The following CCSER1 variants were observed in gnomAD, a reference collection of about 807,000 sequenced individuals.
CCSER1 encodes the protein coiled-coil serine rich protein 1, also known as serine-rich coiled-coil domain-containing protein 1.
A neutral mutation model predicts 82.0 loss-of-function variants in CCSER1; 41 were observed. The ratio of observed to expected loss-of-function variants is 0.50; its 90% CI spans 0.39 to 0.65. The LOEUF (loss-of-function observed/expected upper bound fraction) is 0.65, where lower values mean the gene tolerates loss of function less well. Ranked by LOEUF, CCSER1 falls within the 30% of genes least tolerant of loss-of-function variation. CCSER1 has a pLI of 0.00. For missense variants in CCSER1, 1,119 were observed against 1,064.2 expected, an observed-to-expected ratio of 1.05 and a Z score of -0.72; for synonymous variants, 414 against 383.9, an observed-to-expected ratio of 1.08 and a Z score of -0.92.
intron 3 of CCSER1, among the ~76,000 whole-genome samples, chr4:90,381,688 A>G (rs1051457843): frequency 1.3e-5 from 2 of 152,128 alleles, no homozygotes; most frequent in African/African-American, 2.4e-5. Context: ...AGTAATGTTC[A>G]TAGAAATAAA....
At chr4:90,427,370 C>T (rs1757668200) in intron 4 of CCSER1, among the ~76,000 whole-genome samples, 1 of 151,518 alleles carries the variant, frequency 6.6e-6, no homozygotes, top group African/African-American at 2.4e-5. Flanking sequence ...TCACTAAGTA[C>T]CATCTAACTG....
At chr4:90,999,685 G>C (rs1284557968) in intron 9 of CCSER1, among the ~76,000 whole-genome samples, 2 of 152,086 alleles carry the variant, frequency 1.3e-5, no homozygotes. Flanking sequence ...TAGGTTGTCT[G>C]CTTCTTCTGT....
chr4:90,152,127 G>A (rs1301703275), intron 1 of CCSER1, among the ~76,000 whole-genome samples: 1 of 152,156 alleles, frequency 6.6e-6, no homozygotes. Context: ...CTTAGCTTGT[G>A]TCACTAAAAG....
intron 8 of CCSER1, among the ~76,000 whole-genome samples, chr4:90,845,488 T>C (rs1165976249): frequency 6.6e-6 from 1 of 151,758 alleles, no homozygotes; most frequent in African/African-American, 2.4e-5. Flanking sequence ...AAATTGACAA[T>C]CATTTTTTTC....
intron 9 of CCSER1, among the ~76,000 whole-genome samples, chr4:91,023,759 A>G (rs1163522175): frequency 6.6e-6 from 1 of 152,218 alleles, no homozygotes; most frequent in Non-Finnish European, 1.5e-5. Flanking sequence ...CAAGGACTTC[A>G]TGTCTGAAAC....
rs189402830 is a variant in CCSER1 at position 90,579,015 on chromosome 4, T to C, written c.1725-49010T>C. Reference sequence around the variant, plus strand: ...AAGTATATAAATATTATGTTGTCTATTAAAAAAAGCTTGACTTTTTTTAAT... The same window carrying C: ...AAGTATATAAATATTATGTTGTCTACTAAAAAAAGCTTGACTTTTTTTAAT... On this transcript the variant is annotated intron_variant, in intron 5 of 10. Coordinates refer to ENST00000509176, the MANE Select transcript of CCSER1 (RefSeq NM_001145065.2). Among the ~76,000 whole-genome samples the C allele has an allele frequency of 7.6e-3, 412 of 54,126 alleles. 2 individuals carry two copies. Among genetic ancestry groups the C allele is most frequent in the African/African-American group, 0.015 (40 of 2,726 alleles). The allele number at this position is 54,126 out of a possible 152,430, so 35.5% of individuals were successfully genotyped here. A position where few individuals can be genotyped will look rare whatever the true frequency, so the allele number is the denominator to read the frequency against.
In CCSER1 at chr4:90,362,850, T is replaced by C. The variant is rs1745603940; in HGVS notation, c.1510-37186T>C. On this transcript the variant is annotated intron_variant, in intron 3 of 10. Coordinates refer to ENST00000509176, the MANE Select transcript of CCSER1 (RefSeq NM_001145065.2). ...TCCTCCTTTGCAGTTAACAGTATAA[T>C]ATCAATAGTTTCATACAAGGGATGC... 1.3e-5 allele frequency among the ~76,000 whole-genome samples: 2 copies of C among 152,200 alleles called. 1 individual carries two copies. The highest frequency in any genetic ancestry group is 4.2e-4 in the South Asian group (2 of 4,818).
At chr4:91,053,169 T>G (rs1743153658) in intron 9 of CCSER1, among the ~76,000 whole-genome samples, 1 of 152,202 alleles carries the variant, frequency 6.6e-6, no homozygotes, top group African/African-American at 2.4e-5. Context: ...TAAAAGTTTT[T>G]CCTAATTGTA....
intron 7 of CCSER1, among the ~76,000 whole-genome samples, chr4:90,748,455 G>A (rs1747935654): frequency 6.7e-6 from 1 of 149,532 alleles, no homozygotes; most frequent in African/African-American, 2.4e-5. Flanking sequence ...ATTTGGGTTG[G>A]TTCCAAGTCT....
intron 10 of CCSER1, among the ~76,000 whole-genome samples, chr4:91,277,070 G>A (rs1742524295): frequency 6.6e-6 from 1 of 151,990 alleles, no homozygotes; most frequent in Non-Finnish European, 1.5e-5. Context: ...TTTTGTTGAG[G>A]ATTTTTGCAT....
At position 91,367,130 on chromosome 4, in the gene CCSER1, C is replaced by CAA. The variant is rs70965488; in HGVS notation, c.2218-231423_2218-231422dup. The stretch of plus-strand genomic sequence containing the variant: ...GCAACATGGTGAAACACCATCTCTC[C>CAA]AAAAAAAAAAAAAAAAAAAAGAGAA... On this transcript the variant is annotated intron_variant, in intron 10 of 10. Transcript: ENST00000509176. Among the ~76,000 whole-genome samples the CAA allele has an allele frequency of 4.3e-3, 273 of 63,428 alleles. 1 individual carries two copies. Among genetic ancestry groups the CAA allele is most frequent in the East Asian group, 0.011 (27 of 2,374 alleles). The allele number at this position is 63,428 out of a possible 152,430, so 41.6% of individuals were successfully genotyped here.
chr4:90,616,696 CA>C (rs1721286479), intron 5 of CCSER1, among the ~76,000 whole-genome samples: 2 of 103,382 alleles, frequency 1.9e-5, no homozygotes, highest in Non-Finnish European at 3.7e-5. Flanking sequence ...CACACACACA[CA>C]CACACACACA....
At chr4:91,569,491 T>C (rs1051137931) in intron 10 of CCSER1, among the ~76,000 whole-genome samples, 2 of 152,106 alleles carry the variant, frequency 1.3e-5, no homozygotes, top group African/African-American at 4.8e-5. Flanking sequence ...TTTAAAAAAG[T>C]TTAATTGATT....
intron 3 of CCSER1, among the ~76,000 whole-genome samples, chr4:90,326,278 T>G (rs1017936726): frequency 6.6e-6 from 1 of 152,032 alleles, no homozygotes; most frequent in African/African-American, 2.4e-5. Flanking sequence ...GCCAAGGTGG[T>G]CTCCATCTCC....
At chr4:90,808,917 A>G (rs1184457357) in intron 7 of CCSER1, among the ~76,000 whole-genome samples, 2 of 152,248 alleles carry the variant, frequency 1.3e-5, no homozygotes, top group African/African-American at 4.8e-5. Flanking sequence ...AGAAATCATT[A>G]TATCAAAAAG....
At position 91,603,522 on chromosome 4, in the gene CCSER1, T is replaced by C. The variant is rs1347293686; in HGVS notation, c.*4465T>C. 1 of 152,034 alleles carries C rather than the reference T, an allele frequency of 6.6e-6. No homozygotes were observed. Among genetic ancestry groups the C allele is most frequent in the Non-Finnish European group, 1.5e-5 (1 of 67,992 alleles). The allele number at this position is 152,034 out of a possible 1,614,324, so 9.4% of individuals were successfully genotyped here. On this transcript the variant is annotated 3_prime_UTR_variant, in exon 11 of 11. Coordinates refer to ENST00000509176, the MANE Select transcript of CCSER1 (RefSeq NM_001145065.2). ...GTGAAATAAAATCATTAATAGAGAG[T>C]AGGTTCCTTCCATTTGAGTAAGTGA...
At chr4:91,257,790 G>A (rs1740811504) in intron 10 of CCSER1, among the ~76,000 whole-genome samples, 1 of 152,040 alleles carries the variant, frequency 6.6e-6, no homozygotes, top group African/African-American at 2.4e-5. Flanking sequence ...AAAAGGATAT[G>A]CAGATGTTTC....
chr4:90,426,324 G>A (rs1258595143), intron 4 of CCSER1, among the ~76,000 whole-genome samples: 1 of 152,126 alleles, frequency 6.6e-6, no homozygotes, highest in Non-Finnish European at 1.5e-5. Context: ...TTGTCCATGA[G>A]GAAGAAAGTA....
At chr4:91,121,463 G>A (rs1191680757) in intron 10 of CCSER1, among the ~76,000 whole-genome samples, 2 of 151,568 alleles carry the variant, frequency 1.3e-5, no homozygotes, top group South Asian at 2.1e-4. Context: ...GTTCTTTATA[G>A]TAGAAGTGTA....
Sources: allele counts gnomAD v4.1 joint callset (sites outside exome capture counted in the v4.1 genomes callset), GRCh38; gene constraint gnomAD v4.1.1; transcripts MANE v1.5; gene names NCBI Gene and HGNC (gene_info 2026-07-23, HGNC 2026-07-21).